The following NR2C2 variants were observed in gnomAD, a reference collection of about 807,000 sequenced individuals.
NR2C2 encodes nuclear receptor subfamily 2 group C member 2, also known as Nuclear hormone receptor TR4.
NR2C2 carries 6 observed loss-of-function variants against 62.9 expected under a neutral mutation model. That is an observed-to-expected ratio of 0.10 (90% confidence interval 0.05 to 0.19). The LOEUF (loss-of-function observed/expected upper bound fraction) is 0.19, where lower values mean the gene tolerates loss of function less well. Among genes scored for constraint, NR2C2 ranks in the 10% least tolerant of loss-of-function variants. The pLI, the probability that NR2C2 is intolerant of heterozygous loss-of-function variation, is 1.00. For synonymous variants in NR2C2, 272 were observed against 273.8 expected (o/e 0.99, Z 0.07); for missense variants, 479 against 762.7 (o/e 0.63, Z 4.38).
chr3:15,012,175 C>A (rs887005473), intron 2 of NR2C2, among the ~76,000 whole-genome samples: 2 of 151,880 alleles, frequency 1.3e-5, no homozygotes, highest in East Asian at 3.9e-4. Context: ...TGCAGTTAGC[C>A]AAGCTGTTGT....
chr3:14,952,183 A>G (rs2039385037), intron 1 of NR2C2, among the ~76,000 whole-genome samples: 1 of 152,218 alleles, frequency 6.6e-6, no homozygotes. Flanking sequence ...ATAATTCCCC[A>G]TTTGTCAAAC....
At chr3:15,036,838 C>T (rs1211130114) in intron 11 of NR2C2, among the ~76,000 whole-genome samples, 5 of 152,134 alleles carry the variant, frequency 3.3e-5, no homozygotes, top group South Asian at 2.1e-4. Context: ...GACCCTATAA[C>T]AGGCTGGGTG....
chr3:15,020,521 T>G (rs1430051448), intron 4 of NR2C2, among the ~76,000 whole-genome samples: 2 of 152,192 alleles, frequency 1.3e-5, no homozygotes, highest in Non-Finnish European at 2.9e-5. Flanking sequence ...ATAACCTGTC[T>G]GAGTTTCAGT....
intron 1 of NR2C2, among the ~76,000 whole-genome samples, chr3:15,000,017 T>G (rs1450731505): frequency 7.9e-5 from 12 of 152,234 alleles, no homozygotes; most frequent in Non-Finnish European, 1.6e-4. Context: ...TACTTATTTT[T>G]GCCATGAGAA....
chr3:15,029,431 G>A (rs1455829482), intron 8 of NR2C2, among the ~76,000 whole-genome samples: 1 of 152,202 alleles, frequency 6.6e-6, no homozygotes, highest in Non-Finnish European at 1.5e-5. Flanking sequence ...AGACCAGCCA[G>A]ATACAAAGCT....
chr3:14,950,579 C>A (rs1285144156), intron 1 of NR2C2, among the ~76,000 whole-genome samples: 1 of 135,870 alleles, frequency 7.4e-6, no homozygotes, highest in Non-Finnish European at 1.6e-5. Context: ...ATCACTTCTT[C>A]AGGGAAGTCC....
intron 4 of NR2C2, among the ~76,000 whole-genome samples, chr3:15,018,086 C>T (rs1305311704): frequency 6.6e-6 from 1 of 152,074 alleles, no homozygotes; most frequent in Non-Finnish European, 1.5e-5. Flanking sequence ...GCAACCTTTG[C>T]CTCCCAGATT....
intron 1 of NR2C2, among the ~76,000 whole-genome samples, chr3:14,987,518 GT>G (rs899014737): frequency 1.5e-4 from 23 of 152,104 alleles, no homozygotes; most frequent in African/African-American, 5.3e-4. Flanking sequence ...GTATTTGAAA[GT>G]TTTTTTTAAT....
rs542036821 is a variant in NR2C2, at chr3:15,047,624, G to A, written c.*4616G>A. ...GATGGTAGCAATTTCCCAGGCTTGC[G>A]CTGTGCTCAGTCAGCAAGATGTGGG... is the stretch of plus-strand genomic sequence containing the variant. On this transcript the variant is annotated 3_prime_UTR_variant, in exon 14 of 14. Coordinates refer to ENST00000425241, the MANE Select transcript of NR2C2 (RefSeq NM_001291694.2). 8 of 152,306 alleles carry A rather than the reference G, an allele frequency of 5.3e-5. No homozygotes were observed. Among genetic ancestry groups the A allele is most frequent in the African/African-American group, 1.7e-4 (7 of 41,578 alleles). 9.4% of individuals were successfully genotyped at this position (152,306 alleles called of 1,614,324 possible). A position where few individuals can be genotyped will look rare whatever the true frequency, so the allele number is the denominator to read the frequency against.
intron 1 of NR2C2, among the ~76,000 whole-genome samples, chr3:14,978,316 T>G (rs2040266114): frequency 6.6e-6 from 1 of 152,156 alleles, no homozygotes; most frequent in Non-Finnish European, 1.5e-5. Flanking sequence ...TTAAACATGC[T>G]CAGAACACTT....
intron 1 of NR2C2, among the ~76,000 whole-genome samples, chr3:14,981,093 A>T (rs943125027): frequency 6.6e-6 from 1 of 152,250 alleles, no homozygotes; most frequent in Admixed American, 6.5e-5. Flanking sequence ...GCAACAGATC[A>T]TACCATAGTA....
chr3:14,957,740 C>T (rs773992872), intron 1 of NR2C2, among the ~76,000 whole-genome samples: 1 of 152,138 alleles, frequency 6.6e-6, no homozygotes, highest in Non-Finnish European at 1.5e-5. Context: ...CTATTGCTAC[C>T]ACTTCCTAAC....
intron 1 of NR2C2, among the ~76,000 whole-genome samples, chr3:14,951,780 C>T (rs2039369217): frequency 1.3e-5 from 2 of 151,904 alleles, no homozygotes; most frequent in Admixed American, 1.3e-4. Context: ...GGGAGTCTCG[C>T]TCTGTCACCC....
intron 11 of NR2C2, among the ~76,000 whole-genome samples, chr3:15,037,794 G>C (rs1418976943): frequency 6.6e-6 from 1 of 152,204 alleles, no homozygotes; most frequent in Non-Finnish European, 1.5e-5. Flanking sequence ...ATTTGTTATT[G>C]AGGCAGAACC....
At chr3:15,004,993 T>G (rs1022464865) in intron 2 of NR2C2, among the ~76,000 whole-genome samples, 6 of 152,052 alleles carry the variant, frequency 3.9e-5, no homozygotes, top group African/African-American at 1.2e-4. Flanking sequence ...CCTCAAGTGA[T>G]ACTCCTGCCT....
chr3:14,972,953 C>T (rs535399258), intron 1 of NR2C2, among the ~76,000 whole-genome samples: 3 of 152,210 alleles, frequency 2.0e-5, no homozygotes, highest in South Asian at 2.1e-4. Flanking sequence ...CCCCATGATC[C>T]GATCACCTCC....
At chr3:14,999,495 C>T (rs547036518) in intron 1 of NR2C2, among the ~76,000 whole-genome samples, 2 of 151,526 alleles carry the variant, frequency 1.3e-5, no homozygotes, top group East Asian at 1.9e-4. Context: ...CTTGTCCCCC[C>T]CAAAAAAAAA....
At chr3:14,976,060 C>T (rs2040194603) in intron 1 of NR2C2, among the ~76,000 whole-genome samples, 1 of 152,144 alleles carries the variant, frequency 6.6e-6, no homozygotes, top group Non-Finnish European at 1.5e-5. Flanking sequence ...AGGCATGAGC[C>T]ACCACACCCA....
intron 8 of NR2C2, among the ~76,000 whole-genome samples, chr3:15,029,880 GAGAA>G (rs1375583799): frequency 6.6e-5 from 10 of 150,472 alleles, no homozygotes; most frequent in African/African-American, 9.8e-5. Flanking sequence ...GAAAGAAAAA[GAGAA>G]AGAGACAAAG....
Sources: allele counts gnomAD v4.1 joint callset (sites outside exome capture counted in the v4.1 genomes callset), GRCh38; gene constraint gnomAD v4.1.1; transcripts MANE v1.5; gene names NCBI Gene and HGNC (gene_info 2026-07-23, HGNC 2026-07-21).